FANCC: variants seen among roughly 807,000 people sequenced by gnomAD.
The protein encoded by FANCC is FA complementation group C.
FANCC carries 55 observed loss-of-function variants against 71.3 expected under a neutral mutation model. The observed-to-expected ratio is 0.77, with a 90% CI of 0.62 to 0.97. The LOEUF (loss-of-function observed/expected upper bound fraction) is 0.97, where lower values mean the gene tolerates loss of function less well. Among genes scored for constraint, FANCC ranks in the 50% least tolerant of loss-of-function variants. The pLI is 0.00. For synonymous variants in FANCC, 275 were observed against 244.9 expected (o/e 1.12, Z -1.15); for missense variants, 678 against 670.9 (o/e 1.01, Z -0.12).
At chr9:95,263,478 ATGTG>A (rs144646115) in intron 1 of FANCC, among the ~76,000 whole-genome samples, 1 of 147,964 alleles carries the variant, frequency 6.8e-6, no homozygotes, top group Non-Finnish European at 1.5e-5. Context: ...TTATATATAT[ATGTG>A]TGTGTGTGTG....
chr9:95,174,776 T>C (rs1825906545), intron 4 of FANCC, among the ~76,000 whole-genome samples: 1 of 152,088 alleles, frequency 6.6e-6, no homozygotes, highest in Admixed American at 6.5e-5. Flanking sequence ...GAGATGACAG[T>C]CTAATCCAGG....
chr9:95,191,259 G>T (rs1170903218), intron 4 of FANCC, among the ~76,000 whole-genome samples: 1 of 151,770 alleles, frequency 6.6e-6, no homozygotes, highest in African/African-American at 2.4e-5. Context: ...ATGGCCCAGG[G>T]TGGGGTTCAA....
intron 10 of FANCC, chr9:95,123,617 G>T: frequency 1.7e-6 from 1 of 602,466 alleles, no homozygotes; most frequent in African/African-American, 1.8e-5. Flanking sequence ...TGTGCCCAAG[G>T]ACAAGGCTAT....
In FANCC at chr9:95,226,098, G is replaced by A. The variant is rs146941494; in HGVS notation, c.345+14551C>T. ...ACACTGCAAAACTATGAAATGCTGA[G>A]AAAAAATTTTCAGACTAAATAAAAC... On this transcript the variant is annotated intron_variant, in intron 4 of 14. Transcript: ENST00000289081. 3.3e-4 allele frequency among the ~76,000 whole-genome samples: 50 copies of A among 152,264 alleles called. No homozygotes were observed. In the Middle Eastern group the frequency reaches 0.01, roughly 31 times the overall value.
In FANCC at chr9:95,111,633, A is replaced by G. The variant is rs1064793837; in HGVS notation, c.1159T>C (p.Cys387Arg). The G allele has an allele frequency of 1.2e-5, 20 of 1,614,038 alleles. No homozygotes were observed. The highest frequency in any genetic ancestry group is 1.6e-5 in the Non-Finnish European group (19 of 1,180,050). ...EAVEDQTHGS[C>R]GGPFESWFLF... ...AACCAGCTCTCAAAGGGACCTCCGC[A>G]GGACCTGGAACAGAGGCAGAACACA... is the stretch of plus-strand genomic sequence containing the variant. Residue 387 changes from cysteine to arginine, a missense_variant, in exon 13 of 15, where the codon TGC becomes CGC. Transcript: ENST00000289081.
chr9:95,308,066 T>C (rs1021766875), intron 1 of FANCC, among the ~76,000 whole-genome samples: 3 of 152,188 alleles, frequency 2.0e-5, no homozygotes, highest in Non-Finnish European at 4.4e-5. Flanking sequence ...GAAACAATGT[T>C]TTTAAAATAA....
intron 4 of FANCC, among the ~76,000 whole-genome samples, chr9:95,200,639 C>G (rs1452359859): frequency 6.6e-6 from 1 of 152,156 alleles, no homozygotes; most frequent in Admixed American, 6.5e-5. Flanking sequence ...ATAATTATAT[C>G]TGCCCTGGGG....
Position 95,100,292 on chromosome 9 carries a change from C to T in FANCC, c.*1415G>A, listed in dbSNP as rs1588004985. On this transcript the variant is annotated 3_prime_UTR_variant, in exon 15 of 15. Transcript: ENST00000289081. ...AGCTGCCACCAAAATACTTTACCAG[C>T]ACACCCTTCTGACTGCAGCATTTCT... 1 of 232,878 alleles carries T rather than the reference C, an allele frequency of 4.3e-6. No homozygotes were observed. 14.4% of individuals were successfully genotyped at this position (232,878 alleles called of 1,614,324 possible).
In FANCC at chr9:95,288,073, A is replaced by T. The variant is rs4647387; in HGVS notation, c.-79+29453T>A. On this transcript the variant is annotated intron_variant, in intron 1 of 14. Coordinates refer to ENST00000289081, the MANE Select transcript of FANCC (RefSeq NM_000136.3). ...CAGATTCATGATCCCAGTTCTTCATAATCTCTGTACAGAACAAGTACTTCT... is the reference window on the plus strand; with the variant it reads ...CAGATTCATGATCCCAGTTCTTCATTATCTCTGTACAGAACAAGTACTTCT... Among the ~76,000 whole-genome samples, 507 of 152,308 alleles carry T rather than the reference A, an allele frequency of 3.3e-3. 9 individuals carry two copies. The East Asian group carries it at 0.044, about 13-fold the overall frequency.
intron 4 of FANCC, among the ~76,000 whole-genome samples, chr9:95,235,566 C>A (rs1471761143): frequency 6.6e-6 from 1 of 152,114 alleles, no homozygotes; most frequent in Non-Finnish European, 1.5e-5. Context: ...ACAAAGTGGC[C>A]AGGCACAGTG....
chr9:95,304,697 C>G (rs1192914212), intron 1 of FANCC, among the ~76,000 whole-genome samples: 1 of 142,018 alleles, frequency 7.0e-6, no homozygotes, highest in African/African-American at 2.7e-5. Flanking sequence ...TTGCAGTGAG[C>G]CAAGATCGTG....
At chr9:95,171,904 C>T in intron 5 of FANCC, 133 bp downstream of exon 5, 2 of 678,116 alleles carry the variant, frequency 2.9e-6, no homozygotes, top group Non-Finnish European at 5.3e-6. Flanking sequence ...ATAAGTCTGC[C>T]CAAGGTAAGA....
intron 4 of FANCC, among the ~76,000 whole-genome samples, chr9:95,183,518 CACA>C (rs1826509146): frequency 6.6e-6 from 1 of 152,218 alleles, no homozygotes; most frequent in Non-Finnish European, 1.5e-5. Context: ...TATAGGAGAA[CACA>C]ACAAGTTTTC....
intron 5 of FANCC, among the ~76,000 whole-genome samples, chr9:95,171,459 G>GAAA (rs766110813): frequency 7.7e-6 from 1 of 129,994 alleles, no homozygotes; most frequent in African/African-American, 2.8e-5. Flanking sequence ...CAGTTCATTT[G>GAAA]AAAAAAAAAA....
intron 1 of FANCC, chr9:95,293,969 A>C: frequency 6.3e-7 from 1 of 1,586,196 alleles, no homozygotes; most frequent in Non-Finnish European, 8.7e-7. Flanking sequence ...ATAGTAACTC[A>C]TAGTTTGTTA....
At chr9:95,235,844 CAAAAAAAAAA>C (rs10666439) in intron 4 of FANCC, among the ~76,000 whole-genome samples, 5 of 36,226 alleles carry the variant, frequency 1.4e-4, no homozygotes, top group Admixed American at 5.7e-4. Context: ...AACTCCACCT[CAAAAAAAAAA>C]AAAAAAAAAA....
At chr9:95,296,522 G>C (rs1681938205) in intron 1 of FANCC, among the ~76,000 whole-genome samples, 1 of 151,440 alleles carries the variant, frequency 6.6e-6, no homozygotes, top group Non-Finnish European at 1.5e-5. Context: ...TTAATCTAAG[G>C]GTAATTAATT....
rs930350821 is a variant in FANCC at position 95,254,669 on chromosome 9, G to A, written c.-78-5300C>T. ...CTGGGCGGCCATTTGGGCAGACACC[G>A]AGCTAGCTGCAGGAGTTTTTTCATA... On this transcript the variant is annotated intron_variant, in intron 1 of 14. Transcript: ENST00000289081. Among the ~76,000 whole-genome samples the A allele has an allele frequency of 2.6e-5, 4 of 152,216 alleles. No individual in the cohort carries two copies. The East Asian group carries it at 5.8e-4, about 22-fold the overall frequency.
In FANCC at chr9:95,267,044, A is replaced by G. The variant is rs117578139; in HGVS notation, c.-78-17675T>C. Among the ~76,000 whole-genome samples the G allele has an allele frequency of 3.3e-3, 508 of 152,312 alleles. 9 individuals carry two copies. In the East Asian group the frequency reaches 0.043, roughly 13 times the overall value. On this transcript the variant is annotated intron_variant, in intron 1 of 14. Transcript: ENST00000289081. The stretch of plus-strand genomic sequence containing the variant: ...TAAACATTTCTATGAAATCGATACG[A>G]GACAGAAACACAAAGAGGCAAGACC...
Sources: gnomAD v4.1 joint callset for allele counts (sites outside exome capture counted in the v4.1 genomes callset) on GRCh38, gnomAD v4.1.1 for gene constraint, MANE v1.5 for transcripts, NCBI Gene and HGNC (gene_info 2026-07-23, HGNC 2026-07-21) for gene names.